The following LRRC8D variants were observed in gnomAD, a reference collection of about 807,000 sequenced individuals.
LRRC8D encodes leucine rich repeat containing 8 VRAC subunit D.
In LRRC8D, 20 loss-of-function variants were observed where a neutral mutation model predicts 55.8. That is an observed-to-expected ratio of 0.36 (90% CI 0.25 to 0.52). The LOEUF (loss-of-function observed/expected upper bound fraction) is 0.52. Among genes scored for constraint, LRRC8D ranks in the 20% least tolerant of loss-of-function variants. The pLI is 0.93. For missense variants in LRRC8D, 651 were observed against 1,030.8 expected (o/e 0.63, Z 5.05); for synonymous variants, 352 against 377.0 (o/e 0.93, Z 0.77).
intron 2 of LRRC8D, among the ~76,000 whole-genome samples, chr1:89,872,040 C>G (rs369473310): frequency 5.3e-5 from 8 of 152,180 alleles, no homozygotes; most frequent in African/African-American, 1.9e-4. Context: ...TCCTCATTAC[C>G]TGGCAATCTC....
chr1:89,888,036 T>G (rs915157110), intron 2 of LRRC8D, among the ~76,000 whole-genome samples: 3 of 152,184 alleles, frequency 2.0e-5, no homozygotes, highest in African/African-American at 7.2e-5. Flanking sequence ...CATAAAACTT[T>G]ACAGCACATA....
intron 2 of LRRC8D, among the ~76,000 whole-genome samples, chr1:89,860,559 A>C (rs547082474): frequency 6.6e-6 from 1 of 151,448 alleles, no homozygotes; most frequent in South Asian, 2.1e-4. Flanking sequence ...AGAGATCGAG[A>C]CCATCCTGGC....
intron 2 of LRRC8D, among the ~76,000 whole-genome samples, chr1:89,867,388 T>G (rs908678319): frequency 6.6e-6 from 1 of 152,242 alleles, no homozygotes; most frequent in African/African-American, 2.4e-5. Context: ...TGTATAAATA[T>G]GCCAGATTTT....
intron 1 of LRRC8D, among the ~76,000 whole-genome samples, chr1:89,830,185 C>T (rs1660853549): frequency 6.6e-6 from 1 of 152,148 alleles, no homozygotes; most frequent in South Asian, 2.1e-4. Context: ...TCATTATACT[C>T]AAGTATAATC....
At chr1:89,900,894 A>G (rs573053957) in intron 2 of LRRC8D, among the ~76,000 whole-genome samples, 1 of 152,186 alleles carries the variant, frequency 6.6e-6, no homozygotes, top group African/African-American at 2.4e-5. Flanking sequence ...CAGGTATCCA[A>G]TGGTGATTTC....
At position 89,934,428 on chromosome 1, in the gene LRRC8D, G is replaced by C; in HGVS notation, c.1360G>C (p.Glu454Gln). 1 of 1,614,082 alleles carries C rather than the reference G, an allele frequency of 6.2e-7. No homozygotes were observed. The highest frequency in any genetic ancestry group is 8.5e-7 in the Non-Finnish European group (1 of 1,180,046). Reference protein sequence around the residue: ...NKLREISLNHEWTFEKLRQHI... With the variant: ...NKLREISLNHQWTFEKLRQHI... ...ACTTAGGGAAATTAGTTTGAACCAT[G>C]AGTGGACATTTGAAAAACTCAGGCA... The change falls in exon 3 of 3, where the codon GAG (glutamate) becomes CAG (glutamine). Residue 454 changes from glutamate (E) to glutamine (Q), a missense_variant. Coordinates refer to ENST00000337338, the MANE Select transcript of LRRC8D (RefSeq NM_001134479.2). The surrounding 1 kb of genome is among the most constrained non-coding windows in gnomAD (Gnocchi z 5.9).
At chr1:89,895,818 G>C (rs556931490) in intron 2 of LRRC8D, among the ~76,000 whole-genome samples, 55 of 152,210 alleles carry the variant, frequency 3.6e-4, no homozygotes, top group African/African-American at 1.3e-3. Flanking sequence ...TTACATCTAT[G>C]TATAATTTGT....
intron 2 of LRRC8D, among the ~76,000 whole-genome samples, chr1:89,874,443 T>TTGTGTG (rs36202085): frequency 1.5e-3 from 214 of 146,400 alleles, no homozygotes; most frequent in African/African-American, 3.3e-3. Flanking sequence ...AAGAAACTAT[T>TTGTGTG]TGTGTGTGTG....
intron 2 of LRRC8D, among the ~76,000 whole-genome samples, chr1:89,910,813 G>A (rs1304350913): frequency 1.3e-5 from 2 of 152,070 alleles, no homozygotes; most frequent in Non-Finnish European, 1.5e-5. Flanking sequence ...ATTCAGGAGG[G>A]GTAATTTTCT....
intron 2 of LRRC8D, among the ~76,000 whole-genome samples, chr1:89,867,132 C>T (rs147562911): frequency 2.6e-5 from 4 of 152,092 alleles, no homozygotes; most frequent in East Asian, 1.9e-4. Flanking sequence ...TTTTATCACC[C>T]GAAAAGAAAC....
intron 2 of LRRC8D, among the ~76,000 whole-genome samples, chr1:89,931,930 T>TA (rs1663713875): frequency 6.6e-6 from 1 of 152,162 alleles, no homozygotes; most frequent in African/African-American, 2.4e-5. Flanking sequence ...CAAAGCAATA[T>TA]AAATATGGAA....
In LRRC8D at chr1:89,891,171, C is replaced by T. The variant is rs370689964; in HGVS notation, c.-2-41896C>T. 1.1e-4 allele frequency among the ~76,000 whole-genome samples: 17 copies of T among 152,330 alleles called. 1 individual carries two copies. Among genetic ancestry groups the T allele is most frequent in the Admixed American group, 3.3e-4 (5 of 15,302 alleles). On this transcript the variant is annotated intron_variant, in intron 2 of 2. Coordinates refer to ENST00000337338, the MANE Select transcript of LRRC8D (RefSeq NM_001134479.2). ...CTGGGATTACAGGCGTGAGCCACCG[C>T]GCCTGGCCTCAGTTTTTGTCTTTCA...
chr1:89,850,042 C>T (rs1661373028), intron 2 of LRRC8D, among the ~76,000 whole-genome samples: 1 of 152,086 alleles, frequency 6.6e-6, no homozygotes, highest in South Asian at 2.1e-4. Context: ...TTTTTAAACT[C>T]TTTGTAATTT....
At chr1:89,855,053 G>GTT (rs1366153350) in intron 2 of LRRC8D, among the ~76,000 whole-genome samples, 7 of 151,974 alleles carry the variant, frequency 4.6e-5, no homozygotes, top group African/African-American at 1.4e-4. Flanking sequence ...TCTCTATGTT[G>GTT]TTTCTCTCTC....
chr1:89,888,162 C>G (rs1470576576), intron 2 of LRRC8D, among the ~76,000 whole-genome samples: 1 of 152,290 alleles, frequency 6.6e-6, no homozygotes, highest in East Asian at 1.9e-4. Flanking sequence ...ACAGAATAAA[C>G]TCACTGAAGA....
intron 2 of LRRC8D, among the ~76,000 whole-genome samples, chr1:89,890,183 G>A (rs1662541154): frequency 1.3e-5 from 2 of 150,156 alleles, no homozygotes; most frequent in Admixed American, 6.6e-5. Flanking sequence ...GCAAGACTCT[G>A]TCTCAATAAA....
intron 1 of LRRC8D, among the ~76,000 whole-genome samples, chr1:89,835,695 T>C (rs1046445979): frequency 1.1e-4 from 17 of 152,228 alleles, no homozygotes; most frequent in African/African-American, 3.6e-4. Context: ...TAACTTACTA[T>C]AAAATGAAGA....
Position 89,936,273 on chromosome 1 carries a change from GTTTTT to G in LRRC8D, c.*631_*635del, listed in dbSNP as rs1376490603. On this transcript the variant is annotated 3_prime_UTR_variant, in exon 3 of 3. Transcript: ENST00000337338. ...AGGTATGTGGATTTTTAGGGGTTTT[GTTTTT>G]TTAAGAATAAGTAACAAGAAATAAC... is the stretch of plus-strand genomic sequence containing the variant. The G allele has an allele frequency of 1.2e-5, 2 of 166,878 alleles. No individual in the cohort carries two copies. Among genetic ancestry groups the G allele is most frequent in the Admixed American group, 6.6e-5 (1 of 15,256 alleles). 10.3% of individuals were successfully genotyped at this position (166,878 alleles called of 1,614,324 possible). A position where few individuals can be genotyped will look rare whatever the true frequency, so the allele number is the denominator to read the frequency against.
intron 1 of LRRC8D, among the ~76,000 whole-genome samples, chr1:89,837,989 T>C (rs1389350796): frequency 6.6e-6 from 1 of 152,190 alleles, no homozygotes; most frequent in Non-Finnish European, 1.5e-5. Context: ...TTCTTAATAA[T>C]GAACATTATA....
Sources: gnomAD v4.1 joint callset for allele counts (sites outside exome capture counted in the v4.1 genomes callset) on GRCh38, gnomAD v4.1.1 for gene constraint, Gnocchi (gnomAD v3.1) non-coding constraint, MANE v1.5 for transcripts, NCBI Gene and HGNC (gene_info 2026-07-23, HGNC 2026-07-21) for gene names.